The following COL5A1 variants were observed in gnomAD, a reference collection of about 807,000 sequenced individuals.
COL5A1 encodes collagen alpha-1(V) chain.
A neutral mutation model predicts 263.7 loss-of-function variants in COL5A1; 16 were observed. That is an observed-to-expected ratio of 0.06 (90% CI 0.04 to 0.09). The LOEUF is 0.09. Ranked by LOEUF, COL5A1 falls within the 10% of genes least tolerant of loss-of-function variation. The pLI, the probability that COL5A1 is intolerant of heterozygous loss-of-function variation, is 1.00. For missense variants in COL5A1, 2,036 were observed against 2,540.5 expected (o/e 0.80, Z 4.27); for synonymous variants, 1,012 against 1,004.5 (o/e 1.01, Z -0.14).
At chr9:134,786,569 T>C (rs1837467126) in intron 31 of COL5A1, among the ~76,000 whole-genome samples, 1 of 152,184 alleles carries the variant, frequency 6.6e-6, no homozygotes, top group Non-Finnish European at 1.5e-5. Flanking sequence ...CTCTCAACTC[T>C]ACCTCACCGG....
rs376248130 is a variant in COL5A1, at chr9:134,805,187, A to G, written c.3231A>G (p.Glu1077=). The G allele has an allele frequency of 1.4e-4, 234 of 1,613,864 alleles. No individual in the cohort carries two copies. The highest frequency in any genetic ancestry group is 1.8e-4 in the Non-Finnish European group (214 of 1,180,022). ...PVGALGLKGN[E]GPPGPPGPAG... is the part of the protein sequence containing the mutation. The stretch of plus-strand genomic sequence containing the variant: ...GAGCTCTTGGACTGAAAGGCAATGA[A>G]GGGCCCCCTGGCCCACCAGGCCCTG... Residue 1077 remains glutamate (E), a synonymous_variant, in exon 41 of 66, where the codon GAA becomes GAG. Coordinates refer to ENST00000371817, the MANE Select transcript of COL5A1 (RefSeq NM_000093.5).
At chr9:134,826,709 GGGTGTGTGGGT>G (rs746090045) in intron 63 of COL5A1, among the ~76,000 whole-genome samples, 14 of 71,940 alleles carry the variant, frequency 1.9e-4, no homozygotes, top group South Asian at 6.3e-4. Context: ...TGGTATGTGG[GGGTGTGTGGGT>G]GGTGTGTGGG....
At chr9:134,814,763 C>T (rs1477449814) in intron 49 of COL5A1, 34 bp from the exon 50 acceptor site, 35 of 1,505,442 alleles carry the variant, frequency 2.3e-5, no homozygotes, top group Non-Finnish European at 3.1e-5. Flanking sequence ...ACGTGGTTGG[C>T]TCTGAGGACT....
At position 134,818,597 on chromosome 9, in the gene COL5A1, G is replaced by A; in HGVS notation, c.4231-59G>A. 1 of 1,317,252 alleles carries A rather than the reference G, an allele frequency of 7.6e-7. No homozygotes were observed. The highest frequency in any genetic ancestry group is 2.5e-5 in the East Asian group (1 of 40,676). 81.6% of individuals were successfully genotyped at this position (1,317,252 alleles called of 1,614,324 possible). A position where few individuals can be genotyped will look rare whatever the true frequency, so the allele number is the denominator to read the frequency against. The stretch of plus-strand genomic sequence containing the variant: ...CCAGGGTTTCCGAGCAGTGGTCCTG[G>A]GCCAGGGTGCCTGGAGCCTAGAGCT... On this transcript the variant is annotated intron_variant, in intron 54 of 65. Transcript: ENST00000371817. This position sits in a 1 kb window ranked among gnomAD's most constrained non-coding sequence, Gnocchi z 6.0.
chr9:134,724,602 G>A (rs1287501012), intron 4 of COL5A1, among the ~76,000 whole-genome samples: 1 of 152,206 alleles, frequency 6.6e-6, no homozygotes, highest in Non-Finnish European at 1.5e-5. Flanking sequence ...AGCAGCCCTC[G>A]GAACAATGAT....
intron 32 of COL5A1, among the ~76,000 whole-genome samples, chr9:134,791,429 G>T (rs1837687886): frequency 6.6e-6 from 1 of 152,208 alleles, no homozygotes; most frequent in Non-Finnish European, 1.5e-5. Context: ...TTGCCCGCAT[G>T]AGCCTTCAGT....
chr9:134,734,611 G>C (rs544527698), intron 9 of COL5A1, among the ~76,000 whole-genome samples: 38 of 152,350 alleles, frequency 2.5e-4, no homozygotes, highest in African/African-American at 8.9e-4. Context: ...GCATGCCCAG[G>C]TCTTTCCCAC....
intron 29 of COL5A1, among the ~76,000 whole-genome samples, chr9:134,784,209 AT>A (rs1236568718): frequency 6.6e-6 from 1 of 152,224 alleles, no homozygotes; most frequent in Non-Finnish European, 1.5e-5. Context: ...CCGATGACAG[AT>A]TAGAGCCTCA....
rs863223466 is a variant in COL5A1 at position 134,731,663 on chromosome 9, G to A, written c.1332G>A (p.Gly444=). The A allele has an allele frequency of 5.0e-6, 8 of 1,611,234 alleles. No homozygotes were observed. The Admixed American group carries it at 1.2e-4, about 24-fold the overall frequency. ...MPANQDTIYE[G]IGGPRGEKGQ... Reference sequence around the variant, plus strand: ...CGAACCAGGATACCATCTATGAAGGGGTGAGAGGGTGCAGGCCCCCGTTCC... The same window carrying A: ...CGAACCAGGATACCATCTATGAAGGAGTGAGAGGGTGCAGGCCCCCGTTCC... The change falls in exon 8 of 66, where the codon GGG becomes GGA. Residue 444 remains glycine, a splice_region_variant and synonymous_variant. Transcript: ENST00000371817.
At chr9:134,724,504 G>T (rs1230536579) in intron 4 of COL5A1, among the ~76,000 whole-genome samples, 1 of 152,180 alleles carries the variant, frequency 6.6e-6, no homozygotes, top group African/African-American at 2.4e-5. Context: ...TGTGCGCAGT[G>T]GTTGTGATGC....
chr9:134,730,599 G>A, intron 7 of COL5A1, 124 bp downstream of exon 7: 2 of 1,366,446 alleles, frequency 1.5e-6, no homozygotes, highest in Non-Finnish European at 2.0e-6. Flanking sequence ...TGGCCCCTGT[G>A]TTCCACCACA....
intron 4 of COL5A1, among the ~76,000 whole-genome samples, chr9:134,717,175 G>A (rs576225884): frequency 6.6e-6 from 1 of 152,314 alleles, no homozygotes; most frequent in South Asian, 2.1e-4. Context: ...CGCTAAGGAC[G>A]TCAAGGAAGT....
chr9:134,685,455 T>TTCATCCATCCATCCA (rs1484168315), intron 1 of COL5A1, among the ~76,000 whole-genome samples: 2 of 10,552 alleles, frequency 1.9e-4, no homozygotes, highest in Non-Finnish European at 4.0e-4. Context: ...CCATCATCCA[T>TTCATCCATCCATCCA]CCATCCATCC....
intron 65 of COL5A1, among the ~76,000 whole-genome samples, chr9:134,837,141 A>C (rs1014566387): frequency 1.3e-5 from 2 of 152,218 alleles, no homozygotes; most frequent in Non-Finnish European, 2.9e-5. Context: ...ATTTTTAGAT[A>C]ACATGGACCA....
In COL5A1 at chr9:134,811,345, C is replaced by T. The variant is rs371361067; in HGVS notation, c.3535C>T (p.Pro1179Ser). Reference sequence around the variant, plus strand: ...TCTGTCTTGTTCCCCGCAGGGTCCTCCTGGGCCTACAGGTCCTCAAGGCCC... The same window carrying T: ...TCTGTCTTGTTCCCCGCAGGGTCCTTCTGGGCCTACAGGTCCTCAAGGCCC... ...SKGDKGEQGP[P>S]GPTGPQGPIG... The change falls in exon 45 of 66, where the codon CCT (proline) becomes TCT (serine). Residue 1179 changes from proline to serine, a missense_variant. This residue lies in a region of COL5A1 where 1,078 missense variants were observed against 1,521.4 expected (regional missense o/e 0.71). Transcript: ENST00000371817. 3.7e-6 allele frequency: 6 copies of T among 1,614,144 alleles called. No homozygotes were observed. In the East Asian group the frequency reaches 1.3e-4, roughly 36 times the overall value.
intron 39 of COL5A1, among the ~76,000 whole-genome samples, chr9:134,804,010 A>G (rs115081575): frequency 1.3e-3 from 205 of 152,278 alleles, no homozygotes; most frequent in African/African-American, 4.8e-3. Flanking sequence ...CTGTGTTAGC[A>G]CAAAAATAGC....
At chr9:134,831,519 C>T (rs573692841) in intron 64 of COL5A1, among the ~76,000 whole-genome samples, 48 of 152,286 alleles carry the variant, frequency 3.2e-4, no homozygotes, top group African/African-American at 1.1e-3. Context: ...ACCAGGGCTG[C>T]TTGGCCCGGA....
intron 11 of COL5A1, 53 bp downstream of exon 11, chr9:134,738,861 G>A (rs1007899130): frequency 4.9e-6 from 7 of 1,425,634 alleles, no homozygotes; most frequent in Admixed American, 1.7e-5. Context: ...GGCTGCCCAC[G>A]CCTCCTCTCC....
At chr9:134,804,609 A>G (rs1838229260) in intron 39 of COL5A1, among the ~76,000 whole-genome samples, 1 of 152,186 alleles carries the variant, frequency 6.6e-6, no homozygotes, top group Non-Finnish European at 1.5e-5. Flanking sequence ...GTAGAGTCAG[A>G]TTTGCACGCA....
Sources: allele counts gnomAD v4.1 joint callset (sites outside exome capture counted in the v4.1 genomes callset), GRCh38; gene constraint gnomAD v4.1.1; regional missense constraint gnomAD v4.1.1; non-coding constraint Gnocchi (gnomAD v3.1); transcripts MANE v1.5; gene names NCBI Gene and HGNC (gene_info 2026-07-23, HGNC 2026-07-21).